The following PCGF5 variants were observed in gnomAD, a reference collection of about 807,000 sequenced individuals.
PCGF5 encodes polycomb group ring finger 5.
In PCGF5, 9 loss-of-function variants were observed where a neutral mutation model predicts 44.3. The ratio of observed to expected loss-of-function variants is 0.20; its 90% CI spans 0.12 to 0.35. PCGF5 has a LOEUF of 0.35. Ranked by LOEUF, PCGF5 falls within the 10% of genes least tolerant of loss-of-function variation. The pLI, the probability that PCGF5 is intolerant of heterozygous loss-of-function variation, is 1.00. For synonymous variants in PCGF5, 95 were observed against 102.5 expected (o/e 0.93, Z 0.44); for missense variants, 146 against 305.3 (o/e 0.48, Z 3.89).
chr10:91,183,292 A>G (rs1212310039), intron 1 of PCGF5, among the ~76,000 whole-genome samples: 1 of 152,080 alleles, frequency 6.6e-6, no homozygotes, highest in Non-Finnish European at 1.5e-5. Flanking sequence ...TTGGGTATAT[A>G]TATATTTAGA....
chr10:91,258,682 T>C (rs7070498), intron 6 of PCGF5, among the ~76,000 whole-genome samples: 19,041 of 152,168 alleles, frequency 0.13, 2,196 homozygotes, highest in African/African-American at 0.3. Context: ...GATAGACGTG[T>C]ACATTTATCC....
At chr10:91,251,507 A>C in intron 6 of PCGF5, 67 bp downstream of exon 6, 4 of 1,429,830 alleles carry the variant, frequency 2.8e-6, no homozygotes, top group Non-Finnish European at 3.8e-6. Context: ...ATTTGTTGAC[A>C]AATTTTCTAA....
At chr10:91,239,387 T>C (rs556854694) in intron 2 of PCGF5, among the ~76,000 whole-genome samples, 13 of 152,316 alleles carry the variant, frequency 8.5e-5, no homozygotes, top group South Asian at 8.3e-4. Flanking sequence ...TCCATGACCA[T>C]TGTTGCTTTG....
At chr10:91,246,281 A>G (rs765877540) in intron 3 of PCGF5, among the ~76,000 whole-genome samples, 10 of 152,204 alleles carry the variant, frequency 6.6e-5, no homozygotes, top group Non-Finnish European at 1.3e-4. Context: ...AACTTTACGA[A>G]TGACCTTGTC....
intron 1 of PCGF5, among the ~76,000 whole-genome samples, chr10:91,210,251 A>G (rs1427003100): frequency 6.6e-6 from 1 of 152,156 alleles, no homozygotes; most frequent in Non-Finnish European, 1.5e-5. Flanking sequence ...AGAGTGCTAC[A>G]GCTCTTGTGC....
intron 1 of PCGF5, among the ~76,000 whole-genome samples, chr10:91,208,554 G>C (rs1844389973): frequency 6.6e-6 from 1 of 152,150 alleles, no homozygotes; most frequent in Non-Finnish European, 1.5e-5. Flanking sequence ...GGGCTCATTG[G>C]AAAGAGCCAA....
chr10:91,244,223 G>A (rs1271320387), intron 3 of PCGF5, among the ~76,000 whole-genome samples: 3 of 152,166 alleles, frequency 2.0e-5, no homozygotes, highest in Admixed American at 2.0e-4. Context: ...AGATGGTGAT[G>A]ATAGGCTTCT....
chr10:91,241,054 T>A (rs576358817), intron 3 of PCGF5, among the ~76,000 whole-genome samples: 25 of 148,604 alleles, frequency 1.7e-4, no homozygotes, highest in South Asian at 6.3e-4. Context: ...TATATATATA[T>A]AATATATATT....
intron 2 of PCGF5, among the ~76,000 whole-genome samples, chr10:91,223,991 T>C (rs1161987281): frequency 1.3e-5 from 2 of 152,210 alleles, no homozygotes; most frequent in African/African-American, 4.8e-5. Flanking sequence ...TCAGCTATTC[T>C]TGCTCTGCTG....
intron 1 of PCGF5, among the ~76,000 whole-genome samples, chr10:91,166,915 G>A (rs773398316): frequency 2.6e-5 from 4 of 152,202 alleles, no homozygotes; most frequent in Non-Finnish European, 5.9e-5. Flanking sequence ...ACAGATTTGT[G>A]TGACCATGGG....
At chr10:91,228,827 T>C (rs1325455777) in intron 2 of PCGF5, among the ~76,000 whole-genome samples, 1 of 152,198 alleles carries the variant, frequency 6.6e-6, no homozygotes, top group Non-Finnish European at 1.5e-5. Context: ...TGGGAACTTA[T>C]TAGATAGAAG....
At chr10:91,212,430 G>A (rs190923177) in intron 1 of PCGF5, among the ~76,000 whole-genome samples, 4 of 152,336 alleles carry the variant, frequency 2.6e-5, no homozygotes, top group African/African-American at 9.6e-5. Context: ...GTAATTTGGA[G>A]TGTCTCTTAA....
chr10:91,242,403 CTTATTT>C lies in PCGF5; in HGVS notation c.209+1829_209+1834del, dbSNP rs1422352406. Among the ~76,000 whole-genome samples, 13 of 148,582 alleles carry C rather than the reference CTTATTT, an allele frequency of 8.7e-5. No homozygotes were observed. The East Asian group carries it at 2.5e-3, about 29-fold the overall frequency. ...TACCAACTGTTAAAATCTATAATAA[CTTATTT>C]TTATTAAAATAAAAAACTGTTAATA... is the stretch of plus-strand genomic sequence containing the variant. On this transcript the variant is annotated intron_variant, in intron 3 of 9. Transcript: ENST00000336126.
rs181691168 is a variant in PCGF5 at position 91,275,645 on chromosome 10, G to A, written c.724-2624G>A. Among the ~76,000 whole-genome samples the A allele has an allele frequency of 3.7e-3, 563 of 150,464 alleles. 3 individuals carry two copies. The highest frequency in any genetic ancestry group is 0.013 in the African/African-American group (530 of 40,748). ...TTTTTTTGTATTTTTAGTAGAGGCG[G>A]GGTTTCACCGTGTTGGCCAGGATGT... On this transcript the variant is annotated intron_variant, in intron 9 of 9. Coordinates refer to ENST00000336126, the MANE Select transcript of PCGF5 (RefSeq NM_032373.5).
chr10:91,171,772 C>T (rs1843610672), intron 1 of PCGF5, among the ~76,000 whole-genome samples: 1 of 152,064 alleles, frequency 6.6e-6, no homozygotes, highest in Admixed American at 6.6e-5. Flanking sequence ...GGGATCAGTT[C>T]TGAGTAATGA....
At chr10:91,182,744 C>G (rs991458444) in intron 1 of PCGF5, among the ~76,000 whole-genome samples, 2 of 152,172 alleles carry the variant, frequency 1.3e-5, no homozygotes, top group South Asian at 4.1e-4. Flanking sequence ...TACATTGTAT[C>G]TTTGCTTTCA....
rs929979835 is a variant in PCGF5, at chr10:91,227,487, G to A, written c.112+4504G>A. 18 of 1,277,588 alleles carry A rather than the reference G, an allele frequency of 1.4e-5. No individual in the cohort carries two copies. The African/African-American group carries it at 1.8e-4, about 13-fold the overall frequency. 79.1% of individuals were successfully genotyped at this position (1,277,588 alleles called of 1,614,324 possible). On this transcript the variant is annotated intron_variant, in intron 2 of 9. Transcript: ENST00000336126. ...CTCTTTACCCTCACTAACAAAACTG[G>A]GCAAAGTCCTGCTGGTCTCTCTCTT...
chr10:91,167,378 T>G (rs1331169803), intron 1 of PCGF5, among the ~76,000 whole-genome samples: 1 of 152,194 alleles, frequency 6.6e-6, no homozygotes, highest in Non-Finnish European at 1.5e-5. Context: ...GGGAGAACTG[T>G]TAGAGAGGCA....
In PCGF5 at chr10:91,278,659, A is replaced by G. The variant is rs1846375544; in HGVS notation, c.*343A>G. The stretch of plus-strand genomic sequence containing the variant: ...TCTAATGTTTAATTACACTAGTAAA[A>G]TGGCTCAATTTTTGTGGTGTTGCAG... On this transcript the variant is annotated 3_prime_UTR_variant, in exon 10 of 10. Coordinates refer to ENST00000336126, the MANE Select transcript of PCGF5 (RefSeq NM_032373.5). 1 of 233,540 alleles carries G rather than the reference A, an allele frequency of 4.3e-6. No homozygotes were observed. The highest frequency in any genetic ancestry group is 1.3e-4 in the South Asian group (1 of 7,834). 14.5% of individuals were successfully genotyped at this position (233,540 alleles called of 1,614,324 possible).
Sources: gnomAD v4.1 joint callset for allele counts (sites outside exome capture counted in the v4.1 genomes callset) on GRCh38, gnomAD v4.1.1 for gene constraint, MANE v1.5 for transcripts, NCBI Gene and HGNC (gene_info 2026-07-23, HGNC 2026-07-21) for gene names.